Variants in SGCZ observed in about 807,000 individuals in gnomAD.
SGCZ encodes the protein sarcoglycan zeta.
In SGCZ, 40 loss-of-function variants were observed where a neutral mutation model predicts 41.3. The observed-to-expected ratio is 0.97, with a 90% confidence interval of 0.75 to 1.26. The LOEUF is 1.26. SGCZ is among the 50% of genes most tolerant of loss of function. The probability of loss-of-function intolerance (pLI) is 0.00; values close to 1 mark genes in which losing one functional copy is unlikely to be tolerated. For missense variants in SGCZ, 552 were observed against 369.8 expected, an observed-to-expected ratio of 1.49 and a Z score of -4.04; for synonymous variants, 206 against 137.5, an observed-to-expected ratio of 1.50 and a Z score of -3.49.
intron 1 of SGCZ, among the ~76,000 whole-genome samples, chr8:14,851,490 A>G (rs1372375431): frequency 3.3e-5 from 5 of 152,136 alleles, no homozygotes; most frequent in African/African-American, 7.2e-5. Flanking sequence ...GCTTCCTGCA[A>G]TACAACAGTA....
intron 1 of SGCZ, among the ~76,000 whole-genome samples, chr8:15,148,076 T>C (rs973975086): frequency 2.0e-5 from 3 of 152,176 alleles, no homozygotes; most frequent in Non-Finnish European, 4.4e-5. Flanking sequence ...CCAAGTCTCC[T>C]ACACCAAAAG....
At chr8:14,699,318 C>A (rs996163163) in intron 1 of SGCZ, among the ~76,000 whole-genome samples, 1 of 151,148 alleles carries the variant, frequency 6.6e-6, no homozygotes, top group East Asian at 1.9e-4. Flanking sequence ...AAGCCACATA[C>A]CTACAACCAT....
intron 5 of SGCZ, among the ~76,000 whole-genome samples, chr8:14,122,740 C>A (rs890255215): frequency 6.6e-6 from 1 of 152,126 alleles, no homozygotes; most frequent in South Asian, 2.1e-4. Flanking sequence ...CATTTCTTCT[C>A]CCCTTGTTTT....
chr8:14,387,119 C>T (rs894089983), intron 2 of SGCZ, among the ~76,000 whole-genome samples: 6 of 152,152 alleles, frequency 3.9e-5, no homozygotes, highest in African/African-American at 1.2e-4. Flanking sequence ...GGCTGAAATG[C>T]AGTTGTTCAA....
At chr8:15,155,926 C>G (rs896546279) in intron 1 of SGCZ, among the ~76,000 whole-genome samples, 1 of 151,732 alleles carries the variant, frequency 6.6e-6, no homozygotes, top group Non-Finnish European at 1.5e-5. Context: ...GGTGTAGTGG[C>G]GCACACCTGT....
intron 7 of SGCZ, among the ~76,000 whole-genome samples, chr8:14,096,045 G>A (rs2116964075): frequency 6.6e-6 from 1 of 152,250 alleles, no homozygotes; most frequent in South Asian, 2.1e-4. Context: ...CATGTCATCT[G>A]CAAACAGAGA....
At chr8:14,354,929 A>G (rs1803239781) in intron 2 of SGCZ, among the ~76,000 whole-genome samples, 1 of 151,930 alleles carries the variant, frequency 6.6e-6, no homozygotes, top group Admixed American at 6.6e-5. Flanking sequence ...ACTGAGCTGT[A>G]AGGATCTGGA....
intron 2 of SGCZ, among the ~76,000 whole-genome samples, chr8:14,480,190 A>C (rs1034807826): frequency 6.6e-6 from 1 of 152,206 alleles, no homozygotes; most frequent in Non-Finnish European, 1.5e-5. Context: ...ATAGGTAACT[A>C]TTTATACATT....
intron 1 of SGCZ, among the ~76,000 whole-genome samples, chr8:14,641,917 A>G (rs577238081): frequency 6.6e-6 from 1 of 151,796 alleles, no homozygotes; most frequent in African/African-American, 2.4e-5. Flanking sequence ...AGTGACTAAG[A>G]TGATGCTGAT....
At chr8:14,962,005 T>G (rs534144310) in intron 1 of SGCZ, among the ~76,000 whole-genome samples, 2 of 152,324 alleles carry the variant, frequency 1.3e-5, no homozygotes, top group East Asian at 1.9e-4. Flanking sequence ...TTATCATATG[T>G]ATCATTTTCC....
chr8:14,864,332 G>A (rs1023745398), intron 1 of SGCZ, among the ~76,000 whole-genome samples: 1 of 151,926 alleles, frequency 6.6e-6, no homozygotes, highest in Non-Finnish European at 1.5e-5. Flanking sequence ...TCAAAAACTT[G>A]CAACTAGAAG....
chr8:14,227,384 T>A (rs1456180027), intron 4 of SGCZ, among the ~76,000 whole-genome samples: 1 of 151,976 alleles, frequency 6.6e-6, no homozygotes, highest in Non-Finnish European at 1.5e-5. Context: ...GACTGATGGG[T>A]TTGTGAGCAT....
At position 15,122,131 on chromosome 8, in the gene SGCZ, C is replaced by A. The variant is rs1371615983; in HGVS notation, c.39+115454G>T. ...AAATAATTCCAGACACCCCCCCACC[C>A]CTCCAACTCTATCATATCATGGACA... On this transcript the variant is annotated intron_variant, in intron 1 of 7. Coordinates refer to ENST00000382080, the MANE Select transcript of SGCZ (RefSeq NM_139167.4). Among the ~76,000 whole-genome samples, 5 of 151,764 alleles carry A rather than the reference C, an allele frequency of 3.3e-5. No homozygotes were observed. In the East Asian group the frequency reaches 9.7e-4, roughly 29 times the overall value.
intron 1 of SGCZ, among the ~76,000 whole-genome samples, chr8:14,884,412 C>A (rs530709279): frequency 4.9e-4 from 74 of 151,784 alleles, no homozygotes; most frequent in Non-Finnish European, 8.1e-4. Context: ...GATAAATGAA[C>A]TATTTATTTA....
intron 2 of SGCZ, among the ~76,000 whole-genome samples, chr8:14,468,653 C>T (rs1473666659): frequency 6.6e-6 from 1 of 151,914 alleles, no homozygotes; most frequent in Non-Finnish European, 1.5e-5. Flanking sequence ...TTTCTAATGC[C>T]ACAGATAAAC....
chr8:14,993,525 T>G (rs1285554738), intron 1 of SGCZ, among the ~76,000 whole-genome samples: 1 of 151,866 alleles, frequency 6.6e-6, no homozygotes, highest in Non-Finnish European at 1.5e-5. Flanking sequence ...ACAAAGGAAA[T>G]GAAACAGGAT....
chr8:14,316,900 A>G (rs1801737777), intron 3 of SGCZ, among the ~76,000 whole-genome samples: 1 of 151,430 alleles, frequency 6.6e-6, no homozygotes, highest in Non-Finnish European at 1.5e-5. Flanking sequence ...GTCCACCAGC[A>G]TGCTCATCTA....
intron 1 of SGCZ, among the ~76,000 whole-genome samples, chr8:14,801,804 C>T (rs1008215957): frequency 2.0e-5 from 3 of 150,078 alleles, no homozygotes; most frequent in Non-Finnish European, 4.4e-5. Flanking sequence ...AAAAAGAGCA[C>T]CAAATTTTTA....
chr8:15,232,345 GATGT>G (rs1585700159), intron 1 of SGCZ, among the ~76,000 whole-genome samples: 1 of 152,032 alleles, frequency 6.6e-6, no homozygotes, highest in African/African-American at 2.4e-5. Flanking sequence ...TTCAACATTT[GATGT>G]ATTTTCAATT....
Sources: gnomAD v4.1 joint callset for allele counts (sites outside exome capture counted in the v4.1 genomes callset) on GRCh38, gnomAD v4.1.1 for gene constraint, MANE v1.5 for transcripts, NCBI Gene and HGNC (gene_info 2026-07-23, HGNC 2026-07-21) for gene names.